KCNMA1: variants seen among roughly 807,000 people sequenced by gnomAD.
KCNMA1 encodes potassium calcium-activated channel subfamily M alpha 1.
A neutral mutation model predicts 140.0 loss-of-function variants in KCNMA1; 29 were observed. That is an observed-to-expected ratio of 0.21 (90% CI 0.15 to 0.28). KCNMA1 has a LOEUF of 0.28. Among genes scored for constraint, KCNMA1 ranks in the 10% least tolerant of loss-of-function variants. The pLI is 1.00. For synonymous variants in KCNMA1, 612 were observed against 611.9 expected (o/e 1.00, Z 0.00); for missense variants, 880 against 1,602.2 (o/e 0.55, Z 7.70).
At chr10:77,194,118 G>A (rs1357215681) in intron 3 of KCNMA1, among the ~76,000 whole-genome samples, 1 of 152,148 alleles carries the variant, frequency 6.6e-6, no homozygotes, top group Admixed American at 6.5e-5. Flanking sequence ...AAGTAGCTCA[G>A]GGTACAGTTT....
At chr10:76,918,396 T>C (rs962342861) in intron 23 of KCNMA1, among the ~76,000 whole-genome samples, 1 of 152,332 alleles carries the variant, frequency 6.6e-6, no homozygotes, top group South Asian at 2.1e-4. Context: ...GGCTCCTGAT[T>C]CTTTAGCCAT....
chr10:76,898,252 T>C (rs957509631), intron 25 of KCNMA1, among the ~76,000 whole-genome samples: 1 of 151,824 alleles, frequency 6.6e-6, no homozygotes, highest in Non-Finnish European at 1.5e-5. Context: ...TTTAAACTAT[T>C]ATGTTAGATA....
rs559938703 is a variant in KCNMA1 at position 77,183,330 on chromosome 10, G to A, written c.808+91C>T. ...CACATTAATACATACAACATTGTTT[G>A]TAGGGAGACAGCCCCCTCATCCACT... On this transcript the variant is annotated intron_variant, in intron 5 of 27. Coordinates refer to ENST00000286628, the MANE Select transcript of KCNMA1 (RefSeq NM_001161352.2). The A allele has an allele frequency of 1.8e-4, 150 of 839,698 alleles. 2 individuals carry two copies. The South Asian group carries it at 2.0e-3, about 11-fold the overall frequency. The allele number at this position is 839,698 out of a possible 1,614,324, so 52.0% of individuals were successfully genotyped here.
chr10:77,595,225 T>C (rs930614843), intron 1 of KCNMA1, among the ~76,000 whole-genome samples: 1 of 151,672 alleles, frequency 6.6e-6, no homozygotes, highest in African/African-American at 2.4e-5. Context: ...TGGGCGCCTG[T>C]ATTCCCAGCT....
At chr10:77,203,535 T>TA (rs1565191392) in intron 3 of KCNMA1, among the ~76,000 whole-genome samples, 1 of 152,170 alleles carries the variant, frequency 6.6e-6, no homozygotes, top group African/African-American at 2.4e-5. Context: ...TGGTAATTTA[T>TA]TTGTTTGTGT....
In KCNMA1 at chr10:77,299,590, T is replaced by G. The variant is rs202072740; in HGVS notation, c.541-48334A>C. 6.6e-4 allele frequency among the ~76,000 whole-genome samples: 100 copies of G among 152,322 alleles called. No homozygotes were observed. The East Asian group carries it at 0.016, about 25-fold the overall frequency. ...GTTTAAGTTGTTTTTGTACTTTCCA[T>G]TACCCAGGTTGTTCTGGAACGCAGC... On this transcript the variant is annotated intron_variant, in intron 2 of 27. Transcript: ENST00000286628.
intron 2 of KCNMA1, among the ~76,000 whole-genome samples, chr10:77,384,813 A>G (rs1025321830): frequency 6.6e-6 from 1 of 152,224 alleles, no homozygotes; most frequent in African/African-American, 2.4e-5. Flanking sequence ...TTCTGGAGCC[A>G]CGTATGTTTG....
chr10:77,199,909 T>C (rs1214266316), intron 3 of KCNMA1, among the ~76,000 whole-genome samples: 1 of 152,106 alleles, frequency 6.6e-6, no homozygotes, highest in Non-Finnish European at 1.5e-5. Context: ...CTTTATCCTA[T>C]AGGAAATAGG....
intron 23 of KCNMA1, among the ~76,000 whole-genome samples, chr10:76,944,003 T>G (rs1008298006): frequency 3.9e-5 from 6 of 152,158 alleles, no homozygotes; most frequent in African/African-American, 7.2e-5. Context: ...CTGTAACAAC[T>G]ATCCTCCAAT....
chr10:77,376,944 A>ATACATACATAC (rs1555258626), intron 2 of KCNMA1, among the ~76,000 whole-genome samples: 3 of 28,748 alleles, frequency 1.0e-4, no homozygotes, highest in African/African-American at 4.6e-4. Flanking sequence ...TCTCAAAATA[A>ATACATACATAC]ATAAATACAT....
rs114547361 is a variant in KCNMA1, at chr10:77,402,913, G to A, written c.540+949C>T. ...CAGAATCACAATGAGAAATCACTCC[G>A]AATGCAATATCCTTCTCAGGGAAAC... On this transcript the variant is annotated intron_variant, in intron 2 of 27. Coordinates refer to ENST00000286628, the MANE Select transcript of KCNMA1 (RefSeq NM_001161352.2). 6.9e-3 allele frequency among the ~76,000 whole-genome samples: 1,043 copies of A among 152,242 alleles called. 11 individuals are homozygous for A. The highest frequency in any genetic ancestry group is 0.034 in the Middle Eastern group (10 of 294).
intron 3 of KCNMA1, among the ~76,000 whole-genome samples, chr10:77,190,570 G>A (rs1271401817): frequency 6.6e-6 from 1 of 152,150 alleles, no homozygotes; most frequent in Non-Finnish European, 1.5e-5. Context: ...CAAAAATGAT[G>A]GGGGTTGACT....
intron 5 of KCNMA1, among the ~76,000 whole-genome samples, chr10:77,134,621 T>C (rs1465304489): frequency 6.6e-6 from 1 of 152,004 alleles, no homozygotes; most frequent in African/African-American, 2.4e-5. Flanking sequence ...AAATGACCCC[T>C]AAAACACAGG....
intron 18 of KCNMA1, among the ~76,000 whole-genome samples, chr10:77,007,135 G>T (rs1430295465): frequency 6.6e-6 from 1 of 152,166 alleles, no homozygotes; most frequent in Admixed American, 6.5e-5. Flanking sequence ...GCTCAATGCT[G>T]GCCTTAAAAG....
intron 2 of KCNMA1, among the ~76,000 whole-genome samples, chr10:77,365,491 C>T (rs1390280394): frequency 2.0e-5 from 3 of 152,166 alleles, no homozygotes; most frequent in Non-Finnish European, 1.5e-5. Context: ...AACTCTCATG[C>T]ACAATCTTCT....
chr10:77,589,987 C>A (rs904926063), intron 1 of KCNMA1, among the ~76,000 whole-genome samples: 7 of 152,106 alleles, frequency 4.6e-5, no homozygotes, highest in Non-Finnish European at 8.8e-5. Context: ...CTGATTGGTG[C>A]GTTCACAATC....
chr10:77,459,588 G>GA (rs2097822864), intron 1 of KCNMA1, among the ~76,000 whole-genome samples: 1 of 152,210 alleles, frequency 6.6e-6, no homozygotes, highest in African/African-American at 2.4e-5. Context: ...TAGGCAGGCT[G>GA]GTCCCCGAAT....
At chr10:77,002,884 G>GTGTT (rs764121589) in intron 18 of KCNMA1, among the ~76,000 whole-genome samples, 57 of 152,254 alleles carry the variant, frequency 3.7e-4, no homozygotes, top group Non-Finnish European at 7.8e-4. Flanking sequence ...AACTGAGGAG[G>GTGTT]TGTTATTCCC....
chr10:76,959,083 C>G (rs1275232183), intron 20 of KCNMA1, among the ~76,000 whole-genome samples: 6 of 152,166 alleles, frequency 3.9e-5, no homozygotes. Flanking sequence ...TATCCTTCCC[C>G]TCTCCAACCA....
Sources: gnomAD v4.1 joint callset for allele counts (sites outside exome capture counted in the v4.1 genomes callset) on GRCh38, gnomAD v4.1.1 for gene constraint, MANE v1.5 for transcripts, NCBI Gene and HGNC (gene_info 2026-07-23, HGNC 2026-07-21) for gene names.